Variants in CEMIP2 observed in about 807,000 individuals in gnomAD.
CEMIP2 encodes the protein cell migration inducing hyaluronidase 2.
A neutral mutation model predicts 146.9 loss-of-function variants in CEMIP2; 79 were observed. That is an observed-to-expected ratio of 0.54 (90% CI 0.45 to 0.65). The LOEUF (loss-of-function observed/expected upper bound fraction) is 0.65. Among genes scored for constraint, CEMIP2 ranks in the 30% least tolerant of loss-of-function variants. CEMIP2 has a pLI of 0.00. For synonymous variants in CEMIP2, 601 were observed against 606.3 expected (o/e 0.99, Z 0.13); for missense variants, 1,596 against 1,696.2 (o/e 0.94, Z 1.04).
intron 17 of CEMIP2, among the ~76,000 whole-genome samples, chr9:71,707,331 C>CT (rs78919192): frequency 8.5e-4 from 125 of 147,230 alleles, no homozygotes; most frequent in African/African-American, 2.1e-3. Context: ...GCAAGTATTA[C>CT]TTTTTTTTTT....
chr9:71,739,361 CAAAAAAAAAAAAA>C (rs71353516), intron 5 of CEMIP2, among the ~76,000 whole-genome samples: 15 of 42,842 alleles, frequency 3.5e-4, no homozygotes, highest in African/African-American at 1.1e-3. Context: ...GACTCTGTCT[CAAAAAAAAAAAAA>C]AAAAAAAAAA....
chr9:71,751,077 A>C (rs1367691726), intron 1 of CEMIP2, among the ~76,000 whole-genome samples: 4 of 152,212 alleles, frequency 2.6e-5, no homozygotes, highest in African/African-American at 9.6e-5. Context: ...GGTTTTTTTA[A>C]AGTACTTTTT....
chr9:71,688,591 T>C (rs940212928), intron 22 of CEMIP2, among the ~76,000 whole-genome samples: 1 of 152,006 alleles, frequency 6.6e-6, no homozygotes, highest in Non-Finnish European at 1.5e-5. Flanking sequence ...TTTCACCATG[T>C]TGGCCAGGCT....
intron 6 of CEMIP2, among the ~76,000 whole-genome samples, chr9:71,734,208 G>GGT (rs374206725): frequency 3.5e-5 from 5 of 144,124 alleles, no homozygotes; most frequent in South Asian, 2.5e-4. Context: ...ATGAGTTTTT[G>GGT]TTTTTGTTTT....
At chr9:71,692,704 T>C (rs1336026070) in intron 21 of CEMIP2, among the ~76,000 whole-genome samples, 1 of 151,084 alleles carries the variant, frequency 6.6e-6, no homozygotes, top group Non-Finnish European at 1.5e-5. Flanking sequence ...AGCCCAGGAG[T>C]TCAAGACTAG....
At chr9:71,725,828 T>A in intron 10 of CEMIP2, 119 bp from the exon 11 acceptor site, 1 of 1,146,636 alleles carries the variant, frequency 8.7e-7, no homozygotes, top group Non-Finnish European at 1.2e-6. Flanking sequence ...TTTTTCATTA[T>A]TGCAGGTTCA....
chr9:71,698,707 G>A lies in CEMIP2; in HGVS notation c.3378-503C>T, dbSNP rs184176162. ...AATCAATTCCTGTGATATTTATGAAGAGCAGATGGACCTGGGTTCCTTCGG... is the reference window on the plus strand; with the variant it reads ...AATCAATTCCTGTGATATTTATGAAAAGCAGATGGACCTGGGTTCCTTCGG... On this transcript the variant is annotated intron_variant, in intron 19 of 23. Transcript: ENST00000377044. Among the ~76,000 whole-genome samples the A allele has an allele frequency of 2.6e-5, 4 of 152,328 alleles. No individual in the cohort carries two copies. The East Asian group carries it at 5.8e-4, about 22-fold the overall frequency.
At chr9:71,750,871 C>G (rs1026747795) in intron 1 of CEMIP2, among the ~76,000 whole-genome samples, 1 of 152,024 alleles carries the variant, frequency 6.6e-6, no homozygotes, top group Admixed American at 6.6e-5. Flanking sequence ...CTGAGCCTCC[C>G]GGGTAGCCAG....
Position 71,734,810 on chromosome 9 carries a change from G to A in CEMIP2, c.1389C>T (p.Val463=). 1 of 1,605,490 alleles carries A rather than the reference G, an allele frequency of 6.2e-7. No homozygotes were observed. The highest frequency in any genetic ancestry group is 8.5e-7 in the Non-Finnish European group (1 of 1,175,068). Residue 463 remains valine (V), a synonymous_variant, in exon 6 of 24, where the codon GTC becomes GTT. Transcript: ENST00000377044. The part of the protein sequence containing the change: ...CSECSHFQVK[V]KETPQFLHMG... ...GTACTCTAAGCAGTTTAATACCTTT[G>A]ACTTTGACCTGAAAATGGCTGCATT...
chr9:71,751,910 C>G (rs1000092378), intron 1 of CEMIP2, among the ~76,000 whole-genome samples: 1 of 152,068 alleles, frequency 6.6e-6, no homozygotes, highest in African/African-American at 2.4e-5. Context: ...GTGAGAAAGT[C>G]TAAAGTCTAT....
At chr9:71,732,611 C>G in intron 6 of CEMIP2, 91 bp from the exon 7 acceptor site, 1 of 1,203,406 alleles carries the variant, frequency 8.3e-7, no homozygotes, top group Non-Finnish European at 1.1e-6. Context: ...TTCCATAACC[C>G]CAAGATGATC....
In CEMIP2 at chr9:71,694,366, GC is replaced by G. The variant is rs901126836; in HGVS notation, c.3696+142del. On this transcript the variant is annotated intron_variant, in intron 21 of 23. Coordinates refer to ENST00000377044, the MANE Select transcript of CEMIP2 (RefSeq NM_013390.3). ...TGGTCTCGATCTAACCTTATGATCT[GC>G]CCACCTTGGCCTCCCAAAGTGCTGG... The G allele has an allele frequency of 5.1e-6, 3 of 590,784 alleles. No homozygotes were observed. In the African/African-American group the frequency reaches 5.6e-5, roughly 11 times the overall value. The allele number at this position is 590,784 out of a possible 1,614,324, so 36.6% of individuals were successfully genotyped here. A position where few individuals can be genotyped will look rare whatever the true frequency, so the allele number is the denominator to read the frequency against.
Position 71,747,059 on chromosome 9 carries a change from C to A in CEMIP2, c.332-718G>T, listed in dbSNP as rs149660544. On this transcript the variant is annotated intron_variant, in intron 2 of 23. Coordinates refer to ENST00000377044, the MANE Select transcript of CEMIP2 (RefSeq NM_013390.3). ...TTCCTTTACTGGAATTAGAACTTGC[C>A]TCTTGAATAGGTATTATAATAACAA... is the stretch of plus-strand genomic sequence containing the variant. Among the ~76,000 whole-genome samples, 551 of 152,148 alleles carry A rather than the reference C, an allele frequency of 3.6e-3. 3 individuals are homozygous for A. Among genetic ancestry groups the A allele is most frequent in the African/African-American group, 0.013 (521 of 41,484 alleles).
chr9:71,728,233 A>C (rs866261088), intron 10 of CEMIP2, among the ~76,000 whole-genome samples: 1,843 of 17,562 alleles, frequency 0.1, 106 homozygotes, highest in Non-Finnish European at 0.14. Context: ...CTCTCTCTCT[A>C]TATATATATA....
intron 4 of CEMIP2, among the ~76,000 whole-genome samples, chr9:71,741,069 G>A (rs11999828): frequency 0.05 from 7,563 of 152,018 alleles, 626 homozygotes; most frequent in African/African-American, 0.17. Flanking sequence ...TCAGTAGCCT[G>A]GGAGTCTTAT....
intron 1 of CEMIP2, among the ~76,000 whole-genome samples, chr9:71,759,364 A>G (rs1250749695): frequency 1.3e-5 from 2 of 152,228 alleles, no homozygotes; most frequent in East Asian, 3.8e-4. Flanking sequence ...CAGCGAAAGT[A>G]TAAGAAACTG....
chr9:71,722,366 G>T, intron 12 of CEMIP2, 61 bp downstream of exon 12: 3 of 1,278,036 alleles, frequency 2.3e-6, no homozygotes, highest in Non-Finnish European at 3.3e-6. Context: ...ATAAACTCCA[G>T]TTAGAAAGTT....
chr9:71,767,387 G>C (rs1042873075), intron 1 of CEMIP2, among the ~76,000 whole-genome samples: 2 of 152,140 alleles, frequency 1.3e-5, no homozygotes, highest in Admixed American at 6.5e-5. Context: ...ACTGAATCAA[G>C]GGGAGTGAAC....
At chr9:71,729,750 T>C in intron 10 of CEMIP2, 95 bp downstream of exon 10, 1 of 1,210,232 alleles carries the variant, frequency 8.3e-7, no homozygotes, top group Non-Finnish European at 1.2e-6. Context: ...ATGCTTGGGT[T>C]ACACTGGCAC....
Sources: allele counts gnomAD v4.1 joint callset (sites outside exome capture counted in the v4.1 genomes callset), GRCh38; gene constraint gnomAD v4.1.1; transcripts MANE v1.5; gene names NCBI Gene and HGNC (gene_info 2026-07-23, HGNC 2026-07-21).